TSHZ2: variants seen among roughly 807,000 people sequenced by gnomAD.
TSHZ2 encodes teashirt zinc finger homeobox 2, also known as teashirt homolog 2.
A neutral mutation model predicts 74.4 loss-of-function variants in TSHZ2; 21 were observed. That is an observed-to-expected ratio of 0.28 (90% CI 0.20 to 0.41). TSHZ2 has a LOEUF of 0.41. Among genes scored for constraint, TSHZ2 ranks in the 10% least tolerant of loss-of-function variants. The probability of loss-of-function intolerance (pLI) is 1.00; values close to 1 mark genes in which losing one functional copy is unlikely to be tolerated. For synonymous variants in TSHZ2, 540 were observed against 515.3 expected (o/e 1.05, Z -0.65); for missense variants, 1,244 against 1,293.5 (o/e 0.96, Z 0.59).
At chr20:53,041,095 G>A (rs570612532) in intron 1 of TSHZ2, among the ~76,000 whole-genome samples, 1 of 152,278 alleles carries the variant, frequency 6.6e-6, no homozygotes, top group East Asian at 1.9e-4. Flanking sequence ...CCAGACAGTG[G>A]ACTGAACCTT....
At chr20:53,215,076 C>T (rs1218574594) in intron 1 of TSHZ2, among the ~76,000 whole-genome samples, 1 of 152,114 alleles carries the variant, frequency 6.6e-6, no homozygotes, top group Non-Finnish European at 1.5e-5. Flanking sequence ...TGCAGAAATG[C>T]AGTTTGGGTT....
intron 1 of TSHZ2, among the ~76,000 whole-genome samples, chr20:53,023,850 C>T (rs1305479099): frequency 2.0e-5 from 3 of 152,156 alleles, no homozygotes; most frequent in Non-Finnish European, 4.4e-5. Flanking sequence ...CACTGAAACG[C>T]AGCACACCAG....
intron 2 of TSHZ2, among the ~76,000 whole-genome samples, chr20:53,387,673 A>G (rs73133871): frequency 0.027 from 4,148 of 152,270 alleles, 95 homozygotes; most frequent in Non-Finnish European, 0.041. Context: ...AGTTGAAGTG[A>G]AACTGCATTG....
intron 2 of TSHZ2, among the ~76,000 whole-genome samples, chr20:53,273,154 C>T (rs1437699724): frequency 6.6e-6 from 1 of 152,210 alleles, no homozygotes; most frequent in African/African-American, 2.4e-5. Flanking sequence ...CAACTCAGGG[C>T]TTTGTAGAAC....
At chr20:53,001,226 G>GTGTGTA (rs1555813611) in intron 1 of TSHZ2, among the ~76,000 whole-genome samples, 1 of 146,720 alleles carries the variant, frequency 6.8e-6, no homozygotes. Context: ...GTGTGTGTGT[G>GTGTGTA]TGTGTGTGTG....
chr20:53,391,947 AAAAC>A (rs1243551204), intron 2 of TSHZ2, among the ~76,000 whole-genome samples: 2 of 152,146 alleles, frequency 1.3e-5, no homozygotes, highest in Admixed American at 6.5e-5. Flanking sequence ...TCTTAAAAAC[AAAAC>A]AAACAAAAAA....
chr20:53,116,035 A>G (rs1242305182), intron 1 of TSHZ2, among the ~76,000 whole-genome samples: 4 of 152,112 alleles, frequency 2.6e-5, no homozygotes, highest in South Asian at 4.2e-4. Flanking sequence ...GCAGTGAGAA[A>G]AGTCTTGTGT....
intron 2 of TSHZ2, among the ~76,000 whole-genome samples, chr20:53,320,036 C>T (rs1979188300): frequency 6.6e-6 from 1 of 152,190 alleles, no homozygotes; most frequent in Non-Finnish European, 1.5e-5. Context: ...CAACCTAAAC[C>T]TCAATGGCCA....
chr20:53,429,887 TAA>T (rs1296583805), intron 2 of TSHZ2, among the ~76,000 whole-genome samples: 1 of 152,156 alleles, frequency 6.6e-6, no homozygotes, highest in Non-Finnish European at 1.5e-5. Context: ...GTGAGTTGAA[TAA>T]TTCTCTGGGG....
chr20:52,979,518 T>A (rs1342844169), intron 1 of TSHZ2, among the ~76,000 whole-genome samples: 1 of 152,222 alleles, frequency 6.6e-6, no homozygotes, highest in Non-Finnish European at 1.5e-5. Context: ...AGACATTATA[T>A]ACATACACAG....
intron 2 of TSHZ2, among the ~76,000 whole-genome samples, chr20:53,284,141 C>G (rs189153288): frequency 6.6e-6 from 1 of 152,178 alleles, no homozygotes; most frequent in South Asian, 2.1e-4. Flanking sequence ...CCTCGAACAA[C>G]GTGAAATGTG....
At chr20:53,411,805 G>A (rs969621871) in intron 2 of TSHZ2, among the ~76,000 whole-genome samples, 1 of 152,068 alleles carries the variant, frequency 6.6e-6, no homozygotes, top group Non-Finnish European at 1.5e-5. Context: ...CTTAAGCCAG[G>A]ATGACAGAGC....
chr20:53,389,777 AGG>A (rs577149035), intron 2 of TSHZ2, among the ~76,000 whole-genome samples: 3 of 152,232 alleles, frequency 2.0e-5, no homozygotes, highest in Non-Finnish European at 4.4e-5. Flanking sequence ...CAGTTAAGGA[AGG>A]GGTGCTACTG....
intron 1 of TSHZ2, among the ~76,000 whole-genome samples, chr20:53,207,707 T>C (rs1398342579): frequency 6.6e-6 from 1 of 152,088 alleles, no homozygotes; most frequent in African/African-American, 2.4e-5. Context: ...GATGGGGTCT[T>C]GCCCTCCTGC....
At chr20:53,315,618 G>A (rs748207822) in intron 2 of TSHZ2, among the ~76,000 whole-genome samples, 26 of 152,072 alleles carry the variant, frequency 1.7e-4, no homozygotes, top group Non-Finnish European at 2.8e-4. Context: ...GTGGATTCCC[G>A]TTTTTTGTTT....
At chr20:53,032,434 G>A (rs940459222) in intron 1 of TSHZ2, among the ~76,000 whole-genome samples, 18 of 152,140 alleles carry the variant, frequency 1.2e-4, no homozygotes, top group African/African-American at 2.9e-4. Context: ...CGCAGGACCC[G>A]TCTGGTGGAA....
chr20:53,026,728 ATAT>A (rs1337787537), intron 1 of TSHZ2, among the ~76,000 whole-genome samples: 1 of 152,184 alleles, frequency 6.6e-6, no homozygotes, highest in East Asian at 1.9e-4. Flanking sequence ...TTTTAACAAA[ATAT>A]TATTATACTT....
intron 2 of TSHZ2, among the ~76,000 whole-genome samples, chr20:53,355,670 T>G (rs1015438331): frequency 6.6e-6 from 1 of 152,172 alleles, no homozygotes; most frequent in African/African-American, 2.4e-5. Context: ...ATGTTCTAAA[T>G]TAGATTGTGG....
At chr20:53,020,679 T>C (rs1391809075) in intron 1 of TSHZ2, among the ~76,000 whole-genome samples, 1 of 152,196 alleles carries the variant, frequency 6.6e-6, no homozygotes, top group Admixed American at 6.5e-5. Context: ...TGGGTCTAAA[T>C]GGGGTGCACA....
Sources: allele counts gnomAD v4.1 joint callset (sites outside exome capture counted in the v4.1 genomes callset), GRCh38; gene constraint gnomAD v4.1.1; transcripts MANE v1.5; gene names NCBI Gene and HGNC (gene_info 2026-07-23, HGNC 2026-07-21).